RALGPS1: variants seen among roughly 807,000 people sequenced by gnomAD.
The protein encoded by RALGPS1 is Ral GEF with PH domain and SH3 binding motif 1, also known as ras-specific guanine nucleotide-releasing factor RalGPS1.
RALGPS1 carries 19 observed loss-of-function variants against 78.8 expected under a neutral mutation model. The observed-to-expected ratio is 0.24, with a 90% CI of 0.17 to 0.35. RALGPS1 has a LOEUF of 0.35. Ranked by LOEUF, RALGPS1 falls within the 10% of genes least tolerant of loss-of-function variation. RALGPS1 has a pLI of 1.00. For synonymous variants in RALGPS1, 228 were observed against 256.3 expected (o/e 0.89, Z 1.06); for missense variants, 454 against 688.3 (o/e 0.66, Z 3.81).
intron 8 of RALGPS1, among the ~76,000 whole-genome samples, chr9:127,160,847 T>A (rs1348546672): frequency 6.6e-6 from 1 of 152,226 alleles, no homozygotes; most frequent in Non-Finnish European, 1.5e-5. Context: ...AGTTTCCTAA[T>A]CTGTAAAATG....
chr9:127,118,068 A>AT (rs1282648883), intron 8 of RALGPS1, among the ~76,000 whole-genome samples: 1 of 151,946 alleles, frequency 6.6e-6, no homozygotes, highest in East Asian at 1.9e-4. Flanking sequence ...TTTATTTTTT[A>AT]TTTTTGAGAT....
At chr9:126,923,550 A>G (rs1426107356) in intron 1 of RALGPS1, among the ~76,000 whole-genome samples, 1 of 152,220 alleles carries the variant, frequency 6.6e-6, no homozygotes, top group Non-Finnish European at 1.5e-5. Context: ...TGATGGGTTT[A>G]AGGTCTTGTT....
intron 1 of RALGPS1, among the ~76,000 whole-genome samples, chr9:126,929,205 G>C (rs1029551845): frequency 2.6e-5 from 4 of 152,190 alleles, no homozygotes; most frequent in African/African-American, 9.7e-5. Context: ...TATGAGATTA[G>C]CAACATATGA....
chr9:126,950,835 T>C (rs1430963713), intron 1 of RALGPS1, among the ~76,000 whole-genome samples: 1 of 136,664 alleles, frequency 7.3e-6, no homozygotes, highest in Non-Finnish European at 1.6e-5. Flanking sequence ...CTGAAGGAAA[T>C]AGAGACAAAA....
At chr9:126,952,675 G>GTGTGTC (rs770217719) in intron 1 of RALGPS1, among the ~76,000 whole-genome samples, 263 of 106,580 alleles carry the variant, frequency 2.5e-3, no homozygotes, top group Middle Eastern at 0.01. Context: ...GTGTGTGTGT[G>GTGTGTC]TGTGTCTGTG....
In RALGPS1 at chr9:127,134,165, G is replaced by A. The variant is rs185058737; in HGVS notation, c.611-31904G>A. Among the ~76,000 whole-genome samples, 16 of 152,086 alleles carry A rather than the reference G, an allele frequency of 1.1e-4. 1 individual carries two copies. Among genetic ancestry groups the A allele is most frequent in the Admixed American group, 9.8e-4 (15 of 15,268 alleles). On this transcript the variant is annotated intron_variant, in intron 8 of 18. Coordinates refer to ENST00000259351, the MANE Select transcript of RALGPS1 (RefSeq NM_014636.3). ...ATGGCTGCCCACCCTCCACACACAGGGGGGGTCTCTCCTCCTTTGTTTTTT... is the reference window on the plus strand; with the variant it reads ...ATGGCTGCCCACCCTCCACACACAGAGGGGGTCTCTCCTCCTTTGTTTTTT...
intron 3 of RALGPS1, among the ~76,000 whole-genome samples, chr9:126,971,399 GAA>G (rs1415439065): frequency 6.6e-6 from 1 of 150,616 alleles, no homozygotes; most frequent in Admixed American, 6.6e-5. Flanking sequence ...GGTTTTAAAG[GAA>G]AAAAAATTAT....
chr9:126,920,308 G>C (rs992579152), intron 1 of RALGPS1, among the ~76,000 whole-genome samples: 16 of 152,176 alleles, frequency 1.1e-4, no homozygotes, highest in African/African-American at 3.9e-4. Context: ...TGCTGACTCT[G>C]AGACAGGCAT....
At position 127,183,017 on chromosome 9, in the gene RALGPS1, G is replaced by A. The variant is rs2060381051; in HGVS notation, c.910+8235G>A. On this transcript the variant is annotated intron_variant, in intron 11 of 18. Transcript: ENST00000259351. This position sits in a 1 kb window ranked among gnomAD's most constrained non-coding sequence, Gnocchi z 4.0. ...GATGAACAAGCATGTCACATGGTGA[G>A]AGCAGAAGCAAGAGATTCAGGGGTG... Among the ~76,000 whole-genome samples the A allele has an allele frequency of 6.6e-6, 1 of 152,184 alleles. No homozygotes were observed. The highest frequency in any genetic ancestry group is 1.5e-5 in the Non-Finnish European group (1 of 68,034).
chr9:127,168,507 C>G (rs1425253057), intron 9 of RALGPS1, among the ~76,000 whole-genome samples, 172 bp from the exon 10 acceptor site: 4 of 152,232 alleles, frequency 2.6e-5, no homozygotes, highest in African/African-American at 7.2e-5. Flanking sequence ...GATGATCCCT[C>G]TGTTCCAGTG....
At chr9:127,020,823 A>G (rs2045369515) in intron 4 of RALGPS1, among the ~76,000 whole-genome samples, 1 of 152,236 alleles carries the variant, frequency 6.6e-6, no homozygotes, top group Non-Finnish European at 1.5e-5. Flanking sequence ...CCTGGCTCTC[A>G]TATTGAACAC....
rs976525828 is a variant in RALGPS1 at position 127,122,824 on chromosome 9, C to T, written c.611-43245C>T. 3 of 152,442 alleles carry T rather than the reference C, an allele frequency of 2.0e-5. No homozygotes were observed. Among genetic ancestry groups the T allele is most frequent in the African/African-American group, 7.2e-5 (3 of 41,454 alleles). 9.4% of individuals were successfully genotyped at this position (152,442 alleles called of 1,614,324 possible). A position where few individuals can be genotyped will look rare whatever the true frequency, so the allele number is the denominator to read the frequency against. ...GCCGCCCGGTGATGTCACACGAGCTCCGGCCCCAGCTGGCCTGGCCCCTCC... is the reference window on the plus strand; with the variant it reads ...GCCGCCCGGTGATGTCACACGAGCTTCGGCCCCAGCTGGCCTGGCCCCTCC... On this transcript the variant is annotated intron_variant, in intron 8 of 18. Transcript: ENST00000259351. The surrounding 1 kb of genome is among the most constrained non-coding windows in gnomAD (Gnocchi z 6.4).
chr9:127,113,362 C>T (rs548906430), intron 8 of RALGPS1, among the ~76,000 whole-genome samples: 5 of 152,132 alleles, frequency 3.3e-5, no homozygotes, highest in Non-Finnish European at 5.9e-5. Context: ...CCTTGGAGTC[C>T]AAGACTCCAA....
At chr9:127,199,674 C>G (rs2061525622) in intron 14 of RALGPS1, among the ~76,000 whole-genome samples, 1 of 152,168 alleles carries the variant, frequency 6.6e-6, no homozygotes, top group Non-Finnish European at 1.5e-5. Context: ...CTCAGGAATT[C>G]CCATCGCACA....
chr9:127,143,855 A>G (rs2057935624), intron 8 of RALGPS1, among the ~76,000 whole-genome samples: 1 of 152,244 alleles, frequency 6.6e-6, no homozygotes, highest in South Asian at 2.1e-4. Context: ...AGGTCTCCAT[A>G]TAGGGGCAGG....
intron 8 of RALGPS1, among the ~76,000 whole-genome samples, chr9:127,144,700 A>G (rs2057996441): frequency 6.6e-6 from 1 of 152,358 alleles, no homozygotes; most frequent in East Asian, 1.9e-4. Flanking sequence ...TCCATGCTAC[A>G]ACACTGATGA....
intron 4 of RALGPS1, among the ~76,000 whole-genome samples, chr9:127,027,137 C>T: frequency 6.6e-6 from 1 of 152,164 alleles, no homozygotes. Flanking sequence ...TTCGTTTAAT[C>T]AAAATCCGTG....
At chr9:127,062,118 G>A (rs2049264221) in intron 7 of RALGPS1, among the ~76,000 whole-genome samples, 1 of 151,902 alleles carries the variant, frequency 6.6e-6, no homozygotes, top group Non-Finnish European at 1.5e-5. Context: ...TTTGTTTTGA[G>A]ACGGAGTCTC....
At chr9:127,117,912 G>T (rs992758693) in intron 8 of RALGPS1, among the ~76,000 whole-genome samples, 4 of 152,200 alleles carry the variant, frequency 2.6e-5, no homozygotes, top group African/African-American at 9.7e-5. Flanking sequence ...TTTCCTTGGT[G>T]GTCTTGGTAC....
Sources: gnomAD v4.1 joint callset for allele counts (sites outside exome capture counted in the v4.1 genomes callset) on GRCh38, gnomAD v4.1.1 for gene constraint, Gnocchi (gnomAD v3.1) non-coding constraint, MANE v1.5 for transcripts, NCBI Gene and HGNC (gene_info 2026-07-23, HGNC 2026-07-21) for gene names.